The following DSCAM variants were observed in gnomAD, a reference collection of about 807,000 sequenced individuals.
The protein encoded by DSCAM is DS cell adhesion molecule, also known as cell adhesion molecule DSCAM.
DSCAM carries 47 observed loss-of-function variants against 217.7 expected under a neutral mutation model. The ratio of observed to expected loss-of-function variants is 0.22; its 90% CI spans 0.17 to 0.28. The LOEUF (loss-of-function observed/expected upper bound fraction) is 0.28, where lower values mean the gene tolerates loss of function less well. Among genes scored for constraint, DSCAM ranks in the 10% least tolerant of loss-of-function variants. The probability of loss-of-function intolerance (pLI) is 1.00; values close to 1 mark genes in which losing one functional copy is unlikely to be tolerated. For missense variants in DSCAM, 2,080 were observed against 2,618.3 expected (o/e 0.79, Z 4.49); for synonymous variants, 1,056 against 1,015.3 (o/e 1.04, Z -0.76).
intron 3 of DSCAM, among the ~76,000 whole-genome samples, chr21:40,684,366 T>C (rs1362226646): frequency 6.6e-6 from 1 of 152,204 alleles, no homozygotes; most frequent in Non-Finnish European, 1.5e-5. Flanking sequence ...ACGCGGTTGC[T>C]GAGGAGAGAG....
Position 40,362,471 on chromosome 21 carries a change from T to C in DSCAM, c.655+6628A>G, listed in dbSNP as rs868593230. On this transcript the variant is annotated intron_variant, in intron 4 of 32. Transcript: ENST00000400454. ...GGGGTGCTGTGCACTTCACATTGCTTCCACAAAATGTATGGTTTTCCCGTT... is the reference window on the plus strand; with the variant it reads ...GGGGTGCTGTGCACTTCACATTGCTCCCACAAAATGTATGGTTTTCCCGTT... Among the ~76,000 whole-genome samples, 56 of 152,314 alleles carry C rather than the reference T, an allele frequency of 3.7e-4. No homozygotes were observed. In the Middle Eastern group the frequency reaches 0.014, roughly 37 times the overall value.
intron 3 of DSCAM, among the ~76,000 whole-genome samples, chr21:40,603,604 C>T (rs2077078659): frequency 6.6e-6 from 1 of 152,198 alleles, no homozygotes; most frequent in African/African-American, 2.4e-5. Flanking sequence ...GGCAGGTTTA[C>T]TGGTAACAAA....
At chr21:40,329,584 A>C (rs2074353581) in intron 8 of DSCAM, among the ~76,000 whole-genome samples, 3 of 151,636 alleles carry the variant, frequency 2.0e-5, no homozygotes, top group Admixed American at 2.0e-4. Flanking sequence ...ACTGCACTCC[A>C]GCCTGGCCAC....
At chr21:40,818,024 A>G (rs2091896070) in intron 1 of DSCAM, among the ~76,000 whole-genome samples, 2 of 130,252 alleles carry the variant, frequency 1.5e-5, no homozygotes, top group Admixed American at 9.2e-5. Flanking sequence ...TGAACCCGGG[A>G]GGCGGAGCTT....
intron 3 of DSCAM, among the ~76,000 whole-genome samples, chr21:40,614,111 C>T (rs1057041816): frequency 1.3e-5 from 2 of 152,182 alleles, no homozygotes; most frequent in Non-Finnish European, 2.9e-5. Context: ...GCACTGCCCC[C>T]GGGGGCCCAG....
At chr21:40,024,047 A>G (rs1310918846) in intron 32 of DSCAM, among the ~76,000 whole-genome samples, 3 of 59,890 alleles carry the variant, frequency 5.0e-5, no homozygotes, top group Non-Finnish European at 1.0e-4. Flanking sequence ...ATTTTTGTAT[A>G]AGGTGTAAGG....
rs115159398 is a variant in DSCAM at position 40,535,185 on chromosome 21, G to A, written c.508+157625C>T. On this transcript the variant is annotated intron_variant, in intron 3 of 32. Coordinates refer to ENST00000400454, the MANE Select transcript of DSCAM (RefSeq NM_001389.5). ...ACACTCTCTATCTTAAAGGTGTAGG[G>A]GAGAATTAAATAAGATAATACATAT... 4.8e-3 allele frequency among the ~76,000 whole-genome samples: 733 copies of A among 152,182 alleles called. 8 individuals carry two copies. Among genetic ancestry groups the A allele is most frequent in the African/African-American group, 0.017 (689 of 41,504 alleles).
At chr21:40,836,502 G>A (rs2092057674) in intron 1 of DSCAM, among the ~76,000 whole-genome samples, 1 of 152,180 alleles carries the variant, frequency 6.6e-6, no homozygotes, top group Admixed American at 6.5e-5. Context: ...TATCCCGAAA[G>A]ATGCCCAAAT....
chr21:40,085,950 T>G (rs556037022), intron 22 of DSCAM, among the ~76,000 whole-genome samples, 185 bp from the exon 23 acceptor site: 85 of 152,302 alleles, frequency 5.6e-4, no homozygotes, highest in Non-Finnish European at 2.2e-4. Context: ...AGCTGAAGTT[T>G]TCCTTTGTAA....
At chr21:40,408,043 G>A (rs2123789625) in intron 3 of DSCAM, among the ~76,000 whole-genome samples, 1 of 152,112 alleles carries the variant, frequency 6.6e-6, no homozygotes, top group African/African-American at 2.4e-5. Flanking sequence ...ACAGAACTGT[G>A]TTCACTGTGT....
chr21:40,757,795 C>G lies in DSCAM; in HGVS notation c.44-49024G>C, dbSNP rs1360062124. On this transcript the variant is annotated intron_variant, in intron 1 of 32. Transcript: ENST00000400454. Reference sequence around the variant, plus strand: ...GCCACTTTGGGCCACTAAGTTTTGGCATCAAGTCTCGATTGAATCCTCCCT... The same window carrying G: ...GCCACTTTGGGCCACTAAGTTTTGGGATCAAGTCTCGATTGAATCCTCCCT... Among the ~76,000 whole-genome samples, 3 of 152,190 alleles carry G rather than the reference C, an allele frequency of 2.0e-5. No individual in the cohort carries two copies. The East Asian group carries it at 5.8e-4, about 29-fold the overall frequency.
chr21:40,019,144 G>A (rs1262834052), intron 32 of DSCAM, among the ~76,000 whole-genome samples: 1 of 152,218 alleles, frequency 6.6e-6, no homozygotes, highest in Non-Finnish European at 1.5e-5. Context: ...TGAGGACCTG[G>A]ATTCTCTAAT....
intron 3 of DSCAM, among the ~76,000 whole-genome samples, chr21:40,647,932 G>A (rs8130181): frequency 0.37 from 56,788 of 151,890 alleles, 11,436 homozygotes; most frequent in East Asian, 0.6. Context: ...AAACAGTGAC[G>A]CTGAGTGGGC....
chr21:40,521,188 G>A (rs1364647144), intron 3 of DSCAM, among the ~76,000 whole-genome samples: 1 of 152,118 alleles, frequency 6.6e-6, no homozygotes, highest in East Asian at 1.9e-4. Context: ...GAGAGGGTGG[G>A]TGGTACTGAC....
chr21:40,520,722 G>A (rs1159689867), intron 3 of DSCAM, among the ~76,000 whole-genome samples: 2 of 152,148 alleles, frequency 1.3e-5, no homozygotes, highest in East Asian at 1.9e-4. Context: ...CAGGAGAATC[G>A]CTTGAACCTG....
At chr21:40,559,786 C>CTTTTTT (rs548599799) in intron 3 of DSCAM, among the ~76,000 whole-genome samples, 13 of 109,406 alleles carry the variant, frequency 1.2e-4, no homozygotes, top group Non-Finnish European at 1.1e-4. Flanking sequence ...AATTTTCTGT[C>CTTTTTT]TTTTTTTTTT....
At chr21:40,833,878 G>A (rs56178903) in intron 1 of DSCAM, among the ~76,000 whole-genome samples, 18,020 of 152,072 alleles carry the variant, frequency 0.12, 1,117 homozygotes, top group Admixed American at 0.16. Context: ...ATTCTTTGTC[G>A]TGGGGAGCTG....
intron 1 of DSCAM, among the ~76,000 whole-genome samples, chr21:40,710,908 G>T (rs1305583617): frequency 6.6e-6 from 1 of 152,154 alleles, no homozygotes; most frequent in Non-Finnish European, 1.5e-5. Context: ...ATGCTTCATA[G>T]TATCTCATAC....
At chr21:40,774,512 T>G (rs1026167027) in intron 1 of DSCAM, among the ~76,000 whole-genome samples, 1 of 152,246 alleles carries the variant, frequency 6.6e-6, no homozygotes, top group Admixed American at 6.5e-5. Flanking sequence ...GATCCTAGCA[T>G]CTTCGTTTCT....
Sources: allele counts gnomAD v4.1 joint callset (sites outside exome capture counted in the v4.1 genomes callset), GRCh38; gene constraint gnomAD v4.1.1; transcripts MANE v1.5; gene names NCBI Gene and HGNC (gene_info 2026-07-23, HGNC 2026-07-21).